Variants in MAGI2 observed in about 807,000 individuals in gnomAD.
The protein encoded by MAGI2 is membrane-associated guanylate kinase, WW and PDZ domain-containing protein 2.
Under a neutral mutation model 133.3 loss-of-function variants are expected in MAGI2, and 35 were observed. The ratio of observed to expected loss-of-function variants is 0.26; its 90% CI spans 0.20 to 0.35. MAGI2 has a LOEUF of 0.35. Among genes scored for constraint, MAGI2 ranks in the 10% least tolerant of loss-of-function variants. The pLI is 1.00. For synonymous variants in MAGI2, 729 were observed against 710.6 expected, an observed-to-expected ratio of 1.03 and a Z score of -0.41; for missense variants, 1,636 against 1,863.4, an observed-to-expected ratio of 0.88 and a Z score of 2.25.
At chr7:78,643,877 C>A (rs777041606) in intron 2 of MAGI2, among the ~76,000 whole-genome samples, 7 of 152,012 alleles carry the variant, frequency 4.6e-5, no homozygotes, top group Non-Finnish European at 1.0e-4. Flanking sequence ...CACACCCCCA[C>A]ACACACTATT....
rs555012589 is a variant in MAGI2 at position 79,268,218 on chromosome 7, T to G, written c.301+184802A>C. Reference sequence around the variant, plus strand: ...TTTCTTTAGTTCAAAACACTCAGCATGCCAGAATGCCATACTTTTGGGTAC... The same window carrying G: ...TTTCTTTAGTTCAAAACACTCAGCAGGCCAGAATGCCATACTTTTGGGTAC... On this transcript the variant is annotated intron_variant, in intron 1 of 21. Coordinates refer to ENST00000354212, the MANE Select transcript of MAGI2 (RefSeq NM_012301.4). Among the ~76,000 whole-genome samples, 47 of 152,270 alleles carry G rather than the reference T, an allele frequency of 3.1e-4. 1 individual carries two copies. The South Asian group carries it at 8.9e-3, about 29-fold the overall frequency.
At chr7:79,006,176 A>AT (rs909853988) in intron 2 of MAGI2, among the ~76,000 whole-genome samples, 14 of 152,034 alleles carry the variant, frequency 9.2e-5, no homozygotes, top group Admixed American at 2.6e-4. Flanking sequence ...CTACATAATA[A>AT]TTTTTTTTGT....
chr7:79,266,462 A>C (rs1022653787), intron 1 of MAGI2, among the ~76,000 whole-genome samples: 1 of 152,106 alleles, frequency 6.6e-6, no homozygotes, highest in African/African-American at 2.4e-5. Context: ...ATTACTGAGC[A>C]GTTAAATGAG....
chr7:78,368,023 A>G (rs955854152), intron 7 of MAGI2, among the ~76,000 whole-genome samples: 1 of 152,192 alleles, frequency 6.6e-6, no homozygotes, highest in Non-Finnish European at 1.5e-5. Context: ...AGCAGATTGC[A>G]TGTGGAAAAT....
chr7:79,439,700 G>C (rs574802274), intron 1 of MAGI2, among the ~76,000 whole-genome samples: 1 of 152,074 alleles, frequency 6.6e-6, no homozygotes, highest in South Asian at 2.1e-4. Context: ...ATTAATCAAA[G>C]GATCTTAATT....
intron 3 of MAGI2, among the ~76,000 whole-genome samples, chr7:78,546,892 C>A (rs1023203402): frequency 1.1e-4 from 17 of 152,160 alleles, no homozygotes; most frequent in African/African-American, 4.1e-4. Context: ...CTTACTTTTG[C>A]ATAGCACTCA....
At chr7:78,987,973 G>T (rs1360806122) in intron 2 of MAGI2, among the ~76,000 whole-genome samples, 1 of 151,990 alleles carries the variant, frequency 6.6e-6, no homozygotes, top group African/African-American at 2.4e-5. Context: ...GCTTTGGTTC[G>T]TATTAGTTAA....
At position 78,773,532 on chromosome 7, in the gene MAGI2, A is replaced by G. The variant is rs184656735; in HGVS notation, c.419-146293T>C. On this transcript the variant is annotated intron_variant, in intron 2 of 21. Transcript: ENST00000354212. Reference sequence around the variant, plus strand: ...GGCACCATACTAAGCACTGAGGGGTACAAGAAAAAGAAAACAGAGTGTTTT... The same window carrying G: ...GGCACCATACTAAGCACTGAGGGGTGCAAGAAAAAGAAAACAGAGTGTTTT... Among the ~76,000 whole-genome samples, 438 of 152,366 alleles carry G rather than the reference A, an allele frequency of 2.9e-3. 13 individuals are homozygous for G. Among genetic ancestry groups the G allele is most frequent in the Non-Finnish European group, 3.5e-3 (238 of 68,040 alleles).
intron 1 of MAGI2, among the ~76,000 whole-genome samples, chr7:79,363,589 G>A (rs1842500843): frequency 6.6e-6 from 1 of 151,130 alleles, no homozygotes; most frequent in Non-Finnish European, 1.5e-5. Flanking sequence ...TTTAAGACCT[G>A]AAACTATAAA....
chr7:78,231,506 G>A (rs1033740806), intron 10 of MAGI2, among the ~76,000 whole-genome samples: 57 of 152,202 alleles, frequency 3.7e-4, no homozygotes, highest in Non-Finnish European at 8.8e-5. Context: ...AAATTAAAAT[G>A]ATATCTGACA....
chr7:78,860,465 T>G (rs1230104279), intron 2 of MAGI2, among the ~76,000 whole-genome samples: 3 of 152,184 alleles, frequency 2.0e-5, no homozygotes, highest in African/African-American at 7.2e-5. Context: ...CTTCTAACAG[T>G]CAGGACCCTC....
chr7:78,115,041 T>TA (rs1819723051), intron 20 of MAGI2, among the ~76,000 whole-genome samples: 1 of 152,220 alleles, frequency 6.6e-6, no homozygotes, highest in Admixed American at 6.5e-5. Flanking sequence ...TCCCTAACCT[T>TA]ACCATTGCTG....
At chr7:79,027,219 G>GTT (rs1469284670) in intron 1 of MAGI2, among the ~76,000 whole-genome samples, 1 of 151,956 alleles carries the variant, frequency 6.6e-6, no homozygotes, top group Non-Finnish European at 1.5e-5. Flanking sequence ...AAATGAGATT[G>GTT]TCAAAGAGCC....
chr7:78,812,169 A>C (rs1226107304), intron 2 of MAGI2, among the ~76,000 whole-genome samples: 1 of 152,180 alleles, frequency 6.6e-6, no homozygotes, highest in Admixed American at 6.5e-5. Flanking sequence ...TGACAACTTG[A>C]TTTTAGTCCA....
intron 20 of MAGI2, among the ~76,000 whole-genome samples, chr7:78,119,754 C>T (rs1484324527): frequency 1.3e-5 from 2 of 151,910 alleles, no homozygotes; most frequent in African/African-American, 4.8e-5. Context: ...ATCTCTGCAC[C>T]TTCTTCTCAA....
intron 21 of MAGI2, among the ~76,000 whole-genome samples, chr7:78,046,955 A>C (rs1811501422): frequency 6.6e-6 from 1 of 152,256 alleles, no homozygotes; most frequent in Admixed American, 6.5e-5. Context: ...TTATAACATT[A>C]AATATTAAAT....
intron 6 of MAGI2, among the ~76,000 whole-genome samples, chr7:78,374,756 G>C (rs912344576): frequency 6.6e-6 from 1 of 152,080 alleles, no homozygotes; most frequent in African/African-American, 2.4e-5. Context: ...CAGATACACA[G>C]AACACTGGAT....
chr7:79,347,386 T>C (rs10953840), intron 1 of MAGI2, among the ~76,000 whole-genome samples: 76,973 of 151,642 alleles, frequency 0.51, 20,801 homozygotes, highest in Non-Finnish European at 0.6. Flanking sequence ...TGTTCTTCCA[T>C]AATCCCATGA....
At chr7:79,200,475 G>A (rs1421491627) in intron 1 of MAGI2, among the ~76,000 whole-genome samples, 1 of 151,096 alleles carries the variant, frequency 6.6e-6, no homozygotes, top group African/African-American at 2.4e-5. Context: ...GCCAGATTTG[G>A]TGACCCACAC....
Sources: allele counts gnomAD v4.1 joint callset (sites outside exome capture counted in the v4.1 genomes callset), GRCh38; gene constraint gnomAD v4.1.1; transcripts MANE v1.5; gene names NCBI Gene and HGNC (gene_info 2026-07-23, HGNC 2026-07-21).